ATOH8: variants seen among roughly 807,000 people sequenced by gnomAD.
ATOH8 encodes atonal bHLH transcription factor 8, also known as transcription factor ATOH8.
Under a neutral mutation model 21.2 loss-of-function variants are expected in ATOH8, and 9 were observed. That is an observed-to-expected ratio of 0.42 (90% CI 0.26 to 0.74). ATOH8 has a LOEUF of 0.74. ATOH8 is among the 30% of genes least tolerant of loss of function. The probability of loss-of-function intolerance (pLI) is 0.24; values close to 1 mark genes in which losing one functional copy is unlikely to be tolerated. For missense variants in ATOH8, 524 were observed against 470.9 expected, an observed-to-expected ratio of 1.11 and a Z score of -1.04; for synonymous variants, 253 against 224.0, an observed-to-expected ratio of 1.13 and a Z score of -1.16.
intron 2 of ATOH8, among the ~76,000 whole-genome samples, chr2:85,784,256 G>A (rs1250593847): frequency 2.0e-5 from 3 of 152,172 alleles, no homozygotes; most frequent in Non-Finnish European, 4.4e-5. Context: ...GGTCAAATCA[G>A]TTGGGAAGGC....
intron 1 of ATOH8, among the ~76,000 whole-genome samples, chr2:85,756,072 G>A (rs571098819): frequency 2.0e-5 from 3 of 151,646 alleles, no homozygotes; most frequent in Middle Eastern, 6.8e-3. Context: ...GGGCAGTAGT[G>A]CCTGTGTCCA....
intron 1 of ATOH8, among the ~76,000 whole-genome samples, chr2:85,761,996 T>C (rs775710002): frequency 6.6e-6 from 1 of 152,052 alleles, no homozygotes; most frequent in Non-Finnish European, 1.5e-5. Flanking sequence ...TTTCCTAGTC[T>C]CAGCACCCCC....
chr2:85,769,652 T>G (rs1023094064), intron 2 of ATOH8, among the ~76,000 whole-genome samples: 6 of 152,206 alleles, frequency 3.9e-5, no homozygotes, highest in African/African-American at 1.4e-4. Flanking sequence ...GAAGGCATAT[T>G]GGATTTTGTC....
Position 85,766,409 on chromosome 2 carries a change from G to GCCTCC in ATOH8, c.960+2227_960+2228insCCTCC, listed in dbSNP as rs1200572444. On this transcript the variant is annotated intron_variant, in intron 2 of 2. Transcript: ENST00000306279. This position sits in a 1 kb window ranked among gnomAD's most constrained non-coding sequence, Gnocchi z 4.0. ...CAGTCTTTCCCAGCTGGGTGAGGAG[G>GCCTCC]TCACCCAGCTGGGACTCTGGGAGGT... 2.0e-5 allele frequency among the ~76,000 whole-genome samples: 3 copies of GCCTCC among 152,088 alleles called. No homozygotes were observed. Among genetic ancestry groups the GCCTCC allele is most frequent in the Admixed American group, 6.5e-5 (1 of 15,292 alleles).
chr2:85,756,891 G>C (rs888628606), intron 1 of ATOH8, among the ~76,000 whole-genome samples: 1 of 152,212 alleles, frequency 6.6e-6, no homozygotes, highest in African/African-American at 2.4e-5. Flanking sequence ...ACACTTGGCA[G>C]ACCCTTTGAG....
chr2:85,773,991 C>A (rs1354103671), intron 2 of ATOH8: 2 of 698,098 alleles, frequency 2.9e-6, no homozygotes, highest in Non-Finnish European at 3.5e-6. Flanking sequence ...CCCTTGGGGG[C>A]CGTGCGGCCG....
At chr2:85,778,385 G>A (rs367811795) in intron 2 of ATOH8, among the ~76,000 whole-genome samples, 1 of 152,204 alleles carries the variant, frequency 6.6e-6, no homozygotes, top group African/African-American at 2.4e-5. Flanking sequence ...TGGATCCCTC[G>A]GTGGCACCTG....
intron 2 of ATOH8, among the ~76,000 whole-genome samples, chr2:85,767,580 TCCTTC>T (rs1680054397): frequency 3.8e-5 from 3 of 79,266 alleles, no homozygotes; most frequent in African/African-American, 5.2e-5. Context: ...CCCTCCCCTC[TCCTTC>T]CCTTCCCTTC....
chr2:85,779,301 G>C (rs527711298), intron 2 of ATOH8, among the ~76,000 whole-genome samples: 1 of 152,392 alleles, frequency 6.6e-6, no homozygotes, highest in Non-Finnish European at 1.5e-5. Flanking sequence ...GGGTGAGCTG[G>C]GGTGGGGGGC....
chr2:85,764,145 G>A lies in ATOH8; in HGVS notation c.923G>A (p.Arg308His), dbSNP rs200636678. 3.7e-6 allele frequency: 6 copies of A among 1,614,004 alleles called. No homozygotes were observed. The African/African-American group carries it at 4.0e-5, about 11-fold the overall frequency. Residue 308 changes from arginine to histidine, a missense_variant, in exon 2 of 3, where the codon CGC becomes CAC. By Grantham distance (29) the Arg-to-His change is conservative. Coordinates refer to ENST00000306279, the MANE Select transcript of ATOH8 (RefSeq NM_032827.7). ...TCCGAGTGTGTGCAGCGCTGCACCC[G>A]CACCCTGCAGGCCGAGGGACGTGCC... is the stretch of plus-strand genomic sequence containing the variant. ...SFSECVQRCTRTLQAEGRAKK... is the reference protein window; with the variant it reads ...SFSECVQRCTHTLQAEGRAKK...
chr2:85,769,131 A>G (rs1396730392), intron 2 of ATOH8, among the ~76,000 whole-genome samples: 1 of 152,260 alleles, frequency 6.6e-6, no homozygotes, highest in East Asian at 1.9e-4. Flanking sequence ...CCCCAGATCT[A>G]TGGAATAGGA....
intron 2 of ATOH8, 131 bp downstream of exon 2, chr2:85,764,313 G>GCAACTCCCAGCAA: frequency 8.4e-7 from 1 of 1,189,920 alleles, no homozygotes; most frequent in Non-Finnish European, 1.2e-6. Flanking sequence ...GGTTTGCTGG[G>GCAACTCCCAGCAA]AGTTGCCTCA....
chr2:85,767,724 G>A (rs896699146), intron 2 of ATOH8, among the ~76,000 whole-genome samples: 1 of 152,038 alleles, frequency 6.6e-6, no homozygotes, highest in Non-Finnish European at 1.5e-5. Flanking sequence ...AACCAGGAGT[G>A]GTTAGGGTGA....
chr2:85,754,468 C>A lies in ATOH8; in HGVS notation c.279C>A (p.Ala93=). 1 of 1,467,100 alleles carries A rather than the reference C, an allele frequency of 6.8e-7. No homozygotes were observed. The highest frequency in any genetic ancestry group is 8.9e-7 in the Non-Finnish European group (1 of 1,119,174). 90.9% of individuals were successfully genotyped at this position (1,467,100 alleles called of 1,614,324 possible). The stretch of plus-strand genomic sequence containing the variant: ...CCCCAAGAGGGGGCACGGACACAGC[C>A]GGGGAGCGCGGGGGCTCTCGGGCGC... ...AVPPRGGTDT[A]GERGGSRAPE... The change falls in exon 1 of 3, where the codon GCC becomes GCA. Residue 93 remains alanine (A), a synonymous_variant. Coordinates refer to ENST00000306279, the MANE Select transcript of ATOH8 (RefSeq NM_032827.7).
rs766557303 is a variant in ATOH8 at position 85,786,854 on chromosome 2, G to C, written c.961-31G>C. ...GAAACAGGAACCAGGTGGAGCAGGG[G>C]CAGCTTTTAATGGCTGGTCATGTCT... On this transcript the variant is annotated intron_variant, in intron 2 of 2. Coordinates refer to ENST00000306279, the MANE Select transcript of ATOH8 (RefSeq NM_032827.7). 3 of 1,613,756 alleles carry C rather than the reference G, an allele frequency of 1.9e-6. No homozygotes were observed. The South Asian group carries it at 3.3e-5, about 18-fold the overall frequency.
chr2:85,756,850 G>C (rs1679718375), intron 1 of ATOH8, among the ~76,000 whole-genome samples: 1 of 152,182 alleles, frequency 6.6e-6, no homozygotes, highest in African/African-American at 2.4e-5. Flanking sequence ...CCCCCAGCCT[G>C]TGATGTTTGT....
chr2:85,782,965 G>A (rs896070288), intron 2 of ATOH8, among the ~76,000 whole-genome samples: 1 of 152,186 alleles, frequency 6.6e-6, no homozygotes, highest in Non-Finnish European at 1.5e-5. Flanking sequence ...CAAAGTGCTG[G>A]GATTACAGGC....
chr2:85,755,474 C>T (rs992610394), intron 1 of ATOH8, among the ~76,000 whole-genome samples: 2 of 152,200 alleles, frequency 1.3e-5, no homozygotes, highest in Non-Finnish European at 2.9e-5. Context: ...GCCCTGGCAT[C>T]CTCAAGAACC....
intron 1 of ATOH8, among the ~76,000 whole-genome samples, chr2:85,760,440 C>G (rs1377724937): frequency 6.6e-6 from 1 of 152,080 alleles, no homozygotes; most frequent in South Asian, 2.1e-4. Flanking sequence ...CTCTCCATCC[C>G]GAGCTCAGGA....
Sources: gnomAD v4.1 joint callset for allele counts (sites outside exome capture counted in the v4.1 genomes callset) on GRCh38, gnomAD v4.1.1 for gene constraint, Gnocchi (gnomAD v3.1) non-coding constraint, MANE v1.5 for transcripts, NCBI Gene and HGNC (gene_info 2026-07-23, HGNC 2026-07-21) for gene names.